Variants in SQLE observed in about 807,000 individuals in gnomAD.
SQLE encodes squalene monooxygenase.
SQLE carries 29 observed loss-of-function variants against 60.7 expected under a neutral mutation model. The observed-to-expected ratio is 0.48, with a 90% confidence interval of 0.36 to 0.65. SQLE has a LOEUF of 0.65. SQLE is among the 30% of genes least tolerant of loss of function. The probability of loss-of-function intolerance (pLI) is 0.00; values close to 1 mark genes in which losing one functional copy is unlikely to be tolerated. For synonymous variants in SQLE, 237 were observed against 246.8 expected (o/e 0.96, Z 0.37); for missense variants, 605 against 684.1 (o/e 0.88, Z 1.29).
At chr8:125,015,631 A>G (rs28873392) in intron 7 of SQLE, among the ~76,000 whole-genome samples, 58,387 of 152,020 alleles carry the variant, frequency 0.38, 13,217 homozygotes, top group African/African-American at 0.62. Context: ...TGATTCCACA[A>G]ACGAGCAGAG....
In SQLE at chr8:124,998,837, C is replaced by T. The variant is rs1588110176; in HGVS notation, c.-567C>T. On this transcript the variant is annotated 5_prime_UTR_variant, in exon 1 of 11. Coordinates refer to ENST00000265896, the MANE Select transcript of SQLE (RefSeq NM_003129.4). Reference sequence around the variant, plus strand: ...GGCGTTTTCCCGAGGTTGGGCTGTACAGTGTCTCCGTCCGCGGAAAAAGAA... The same window carrying T: ...GGCGTTTTCCCGAGGTTGGGCTGTATAGTGTCTCCGTCCGCGGAAAAAGAA... 7 of 444,760 alleles carry T rather than the reference C, an allele frequency of 1.6e-5. No homozygotes were observed. In the East Asian group the frequency reaches 1.8e-4, roughly 12 times the overall value. The allele number at this position is 444,760 out of a possible 1,614,324, so 27.6% of individuals were successfully genotyped here.
intron 7 of SQLE, among the ~76,000 whole-genome samples, chr8:125,013,272 T>C (rs1815064686): frequency 1.3e-5 from 2 of 152,140 alleles, no homozygotes; most frequent in African/African-American, 4.8e-5. Context: ...ATTTTTTCTT[T>C]CGTTGCTTGT....
At position 125,007,446 on chromosome 8, in the gene SQLE, A is replaced by C. The variant is rs1238677482; in HGVS notation, c.781A>C (p.Met261Leu). The change falls in exon 4 of 11, where the codon ATG (methionine) becomes CTG (leucine). Residue 261 changes from methionine (M) to leucine (L), a missense_variant. Physicochemically the swap from Met to Leu is conservative, Grantham distance 15. Coordinates refer to ENST00000265896, the MANE Select transcript of SQLE (RefSeq NM_003129.4). Reference sequence around the variant, plus strand: ...GTTATTAGAGGAAGATGATGTTGTGATGGGAGTTCAGTACAAGGATAAAGA... The same window carrying C: ...GTTATTAGAGGAAGATGATGTTGTGCTGGGAGTTCAGTACAAGGATAAAGA... Reference protein sequence around the residue: ...LQLLEEDDVVMGVQYKDKETG... With the variant: ...LQLLEEDDVVLGVQYKDKETG... The C allele has an allele frequency of 3.9e-6, 6 of 1,556,428 alleles. No homozygotes were observed. The South Asian group carries it at 4.8e-5, about 12-fold the overall frequency.
intron 7 of SQLE, among the ~76,000 whole-genome samples, chr8:125,013,549 C>T (rs928719708): frequency 2.6e-5 from 4 of 152,020 alleles, no homozygotes; most frequent in East Asian, 1.9e-4. Context: ...GACGGGGTTT[C>T]GCCATGTTGG....
Position 125,022,156 on chromosome 8 carries a change from A to G in SQLE, c.*211A>G, listed in dbSNP as rs1815221471. On this transcript the variant is annotated 3_prime_UTR_variant, in exon 11 of 11. Transcript: ENST00000265896. ...CAATTTAAAATGAAGGGGTTAAATA[A>G]GTTAGACATTTAAAAGAAATGATTG... 1 of 344,810 alleles carries G rather than the reference A, an allele frequency of 2.9e-6. No homozygotes were observed. The allele number at this position is 344,810 out of a possible 1,614,324, so 21.4% of individuals were successfully genotyped here.
chr8:125,018,120 T>A lies in SQLE; in HGVS notation c.1266T>A (p.Thr422=). 1 of 1,613,952 alleles carries A rather than the reference T, an allele frequency of 6.2e-7. No individual in the cohort carries two copies. Among genetic ancestry groups the A allele is most frequent in the East Asian group, 2.2e-5 (1 of 44,870 alleles). ...MRHPLTGGGM[T]VAFKDIKLWR... ...ATCCACTTACTGGTGGAGGAATGAC[T>A]GTTGCTTTTAAAGATATAAAACTAT... Residue 422 remains threonine (T), a synonymous_variant, in exon 8 of 11, where the codon ACT becomes ACA. Transcript: ENST00000265896.
chr8:125,002,376 T>G (rs1418968439), intron 1 of SQLE, among the ~76,000 whole-genome samples: 1 of 152,152 alleles, frequency 6.6e-6, no homozygotes. Context: ...AAAATAAAGA[T>G]GAATAATGAA....
At chr8:125,006,808 A>G (rs1033674647) in intron 3 of SQLE, among the ~76,000 whole-genome samples, 2 of 150,826 alleles carry the variant, frequency 1.3e-5, no homozygotes, top group Non-Finnish European at 3.0e-5. Context: ...GAGTTCAAGC[A>G]ATTCTCCTGC....
chr8:125,019,497 CAGTGAGCTATATATAGTGAGCTAT>C (rs1463523084), intron 9 of SQLE, among the ~76,000 whole-genome samples: 3 of 152,112 alleles, frequency 2.0e-5, no homozygotes, highest in Non-Finnish European at 2.9e-5. Context: ...TAGCTCACTA[CAGTGAGCTATATATAGTGAGCTAT>C]ATGAAGTGCC....
rs1438653183 is a variant in SQLE at position 124,998,595 on chromosome 8, G to A, written c.-809G>A. 8.7e-6 allele frequency: 6 copies of A among 685,754 alleles called. No homozygotes were observed. Among genetic ancestry groups the A allele is most frequent in the Admixed American group, 4.1e-5 (2 of 48,430 alleles). The allele number at this position is 685,754 out of a possible 1,614,324, so 42.5% of individuals were successfully genotyped here. On this transcript the variant is annotated 5_prime_UTR_variant, in exon 1 of 11. Transcript: ENST00000265896. Reference sequence around the variant, plus strand: ...CGCGCTGGCGAGAGCCGCCGCCCGCGAGGGATGCTGGTGAGGAAGCCGTCG... The same window carrying A: ...CGCGCTGGCGAGAGCCGCCGCCCGCAAGGGATGCTGGTGAGGAAGCCGTCG...
chr8:124,999,045 A>T lies in SQLE; in HGVS notation c.-359A>T, dbSNP rs184174711. On this transcript the variant is annotated 5_prime_UTR_variant, in exon 1 of 11. Transcript: ENST00000265896. ...AGAAATTATAGCACGAAGAGCCAGT[A>T]TCAGAAGAGTATCCATCACCCGCAG... The T allele has an allele frequency of 9.8e-5, 27 of 276,452 alleles. No individual in the cohort carries two copies. The East Asian group carries it at 1.6e-3, about 16-fold the overall frequency. The allele number at this position is 276,452 out of a possible 1,614,324, so 17.1% of individuals were successfully genotyped here.
intron 7 of SQLE, among the ~76,000 whole-genome samples, chr8:125,017,779 G>C (rs959445148): frequency 2.0e-5 from 3 of 151,994 alleles, no homozygotes; most frequent in Non-Finnish European, 2.9e-5. Context: ...TGACATTATT[G>C]GACTTGTCAT....
At chr8:124,999,715 G>A (rs775326816) in intron 1 of SQLE, 21 bp downstream of exon 1, 9 of 1,548,370 alleles carry the variant, frequency 5.8e-6, no homozygotes, top group South Asian at 1.2e-5. Context: ...TTCAAAGCGG[G>A]CAGATGAATG....
intron 2 of SQLE, 149 bp from the exon 3 acceptor site, chr8:125,005,376 A>G: frequency 5.3e-6 from 3 of 570,080 alleles, no homozygotes; most frequent in Non-Finnish European, 8.4e-6. Flanking sequence ...AAGCATTCAC[A>G]GTTTCTGAAA....
At position 125,021,884 on chromosome 8, in the gene SQLE, A is replaced by G. The variant is rs1427079175; in HGVS notation, c.1664A>G (p.Tyr555Cys). The G allele has an allele frequency of 6.2e-7, 1 of 1,610,838 alleles. No homozygotes were observed. The highest frequency in any genetic ancestry group is 8.5e-7 in the Non-Finnish European group (1 of 1,178,210). Residue 555 changes from tyrosine to cysteine, a missense_variant, in exon 11 of 11, where the codon TAC (tyrosine) becomes TGC (cysteine). Tyr to Cys is a radical substitution (Grantham distance 194, BLOSUM62 -2). Coordinates refer to ENST00000265896, the MANE Select transcript of SQLE (RefSeq NM_003129.4). ...CTTCTCAGTAGTGGTGCTGTATTGT[A>G]CAAAGCGTGTTCTGTAATATTTCCT... ...RALLSSGAVL[Y>C]KACSVIFPLI...
chr8:125,011,475 T>C, intron 6 of SQLE, 62 bp from the exon 7 acceptor site: 1 of 1,324,628 alleles, frequency 7.5e-7, no homozygotes, highest in Non-Finnish European at 1.1e-6. Context: ...TAAGAAAATA[T>C]GTGATACTTT....
rs747225224 is a variant in SQLE at position 125,020,785 on chromosome 8, T to A, written c.1446T>A (p.Asp482Glu). 59 of 1,604,870 alleles carry A rather than the reference T, an allele frequency of 3.7e-5. No individual in the cohort carries two copies. Among genetic ancestry groups the A allele is most frequent in the Non-Finnish European group, 4.5e-5 (53 of 1,172,360 alleles). ...ALYELFSATD[D>E]SLHQLRKACF... ...GATTATTTTACAATTTTATTTTAGATTCCCTGCATCAACTAAGAAAAGCCT... is the reference window on the plus strand; with the variant it reads ...GATTATTTTACAATTTTATTTTAGAATCCCTGCATCAACTAAGAAAAGCCT... The change falls in exon 10 of 11, where the codon GAT (aspartate) becomes GAA (glutamate). Residue 482 changes from aspartate (D) to glutamate (E), a missense_variant and splice_region_variant. Coordinates refer to ENST00000265896, the MANE Select transcript of SQLE (RefSeq NM_003129.4).
At position 125,022,110 on chromosome 8, in the gene SQLE, G is replaced by A; in HGVS notation, c.*165G>A. The stretch of plus-strand genomic sequence containing the variant: ...TTTGAAGTTTTTTGTATATAAATAT[G>A]TAAATACATGCTTTAATTTGCAATT... On this transcript the variant is annotated 3_prime_UTR_variant, in exon 11 of 11. Transcript: ENST00000265896. The A allele has an allele frequency of 2.4e-6, 1 of 414,828 alleles. No individual in the cohort carries two copies. Among genetic ancestry groups the A allele is most frequent in the East Asian group, 3.6e-5 (1 of 27,790 alleles). 25.7% of individuals were successfully genotyped at this position (414,828 alleles called of 1,614,324 possible).
At chr8:125,020,951 T>C (rs1477319540) in intron 10 of SQLE, 80 bp downstream of exon 10, 8 of 960,380 alleles carry the variant, frequency 8.3e-6, no homozygotes, top group Non-Finnish European at 1.3e-5. Context: ...TGCAAATCTT[T>C]CTTCCTTACA....
Sources: gnomAD v4.1 joint callset for allele counts (sites outside exome capture counted in the v4.1 genomes callset) on GRCh38, gnomAD v4.1.1 for gene constraint, MANE v1.5 for transcripts, NCBI Gene and HGNC (gene_info 2026-07-23, HGNC 2026-07-21) for gene names.